Variants in STK32B observed in about 807,000 individuals in gnomAD.
STK32B encodes the protein serine/threonine kinase 32B.
In STK32B, 43 loss-of-function variants were observed where a neutral mutation model predicts 52.6. The ratio of observed to expected loss-of-function variants is 0.82; its 90% CI spans 0.64 to 1.05. STK32B has a LOEUF of 1.05. Among genes scored for constraint, STK32B ranks in the 50% least tolerant of loss-of-function variants. The pLI, the probability that STK32B is intolerant of heterozygous loss-of-function variation, is 0.00. For synonymous variants in STK32B, 238 were observed against 204.3 expected (o/e 1.17, Z -1.41); for missense variants, 621 against 534.6 (o/e 1.16, Z -1.59).
chr4:5,191,285 C>A (rs139798294), intron 3 of STK32B, among the ~76,000 whole-genome samples: 4 of 150,510 alleles, frequency 2.7e-5, no homozygotes, highest in Admixed American at 6.6e-5. Flanking sequence ...GAGTCTCGCT[C>A]TGTCACCCAG....
rs752203338 is a variant in STK32B at position 5,395,729 on chromosome 4, A to G, written c.435-2478A>G. Among the ~76,000 whole-genome samples, 4 of 152,256 alleles carry G rather than the reference A, an allele frequency of 2.6e-5. No homozygotes were observed. The highest frequency in any genetic ancestry group is 3.2e-3 in the Middle Eastern group (1 of 316). ...ACAGAAGCAATGTGTGTTATGTATC[A>G]GGTATTTAATCCACACAGCAAAGGA... is the stretch of plus-strand genomic sequence containing the variant. On this transcript the variant is annotated intron_variant, in intron 4 of 11. Transcript: ENST00000282908. The surrounding 1 kb of genome is among the most constrained non-coding windows in gnomAD (Gnocchi z 4.4).
intron 3 of STK32B, among the ~76,000 whole-genome samples, chr4:5,261,442 A>G (rs1287920207): frequency 1.3e-5 from 2 of 152,118 alleles, no homozygotes; most frequent in Non-Finnish European, 2.9e-5. Context: ...GGCAATGGGG[A>G]TATAGAGGAT....
chr4:5,208,248 G>A (rs992988843), intron 3 of STK32B, among the ~76,000 whole-genome samples: 6 of 152,152 alleles, frequency 3.9e-5, no homozygotes, highest in African/African-American at 1.4e-4. Context: ...CCATCAGTTA[G>A]TTACATGGCT....
intron 1 of STK32B, among the ~76,000 whole-genome samples, chr4:5,073,220 G>A (rs1711881671): frequency 6.6e-6 from 1 of 151,786 alleles, no homozygotes; most frequent in African/African-American, 2.4e-5. Context: ...TGTTTTCTGT[G>A]TTCTTTGCTC....
intron 3 of STK32B, among the ~76,000 whole-genome samples, chr4:5,224,653 C>G (rs1229276376): frequency 6.6e-6 from 1 of 152,068 alleles, no homozygotes; most frequent in Admixed American, 6.5e-5. Flanking sequence ...GAATCTCAGG[C>G]CTACTACTGG....
At chr4:5,412,564 G>T (rs996576499) in intron 5 of STK32B, among the ~76,000 whole-genome samples, 1 of 152,188 alleles carries the variant, frequency 6.6e-6, no homozygotes, top group East Asian at 1.9e-4. Flanking sequence ...TGTAGGAGGA[G>T]AGTGGGACGG....
intron 3 of STK32B, among the ~76,000 whole-genome samples, chr4:5,309,185 G>T (rs1213148928): frequency 6.6e-6 from 1 of 151,996 alleles, no homozygotes; most frequent in African/African-American, 2.4e-5. Flanking sequence ...ATTTAACCAA[G>T]GAGGTGAAAG....
At chr4:5,227,272 C>A (rs1723939687) in intron 3 of STK32B, among the ~76,000 whole-genome samples, 1 of 152,206 alleles carries the variant, frequency 6.6e-6, no homozygotes, top group Admixed American at 6.5e-5. Flanking sequence ...TTCATTCTCT[C>A]TCACGTTAAA....
chr4:5,302,355 T>C (rs887722788), intron 3 of STK32B, among the ~76,000 whole-genome samples: 1 of 152,060 alleles, frequency 6.6e-6, no homozygotes, highest in African/African-American at 2.4e-5. Flanking sequence ...CATATTATTA[T>C]TATTAGTTCT....
intron 3 of STK32B, among the ~76,000 whole-genome samples, chr4:5,259,084 C>T (rs901204977): frequency 2.0e-5 from 3 of 152,194 alleles, no homozygotes; most frequent in Non-Finnish European, 2.9e-5. Flanking sequence ...CCAGTCTTTA[C>T]TCAACAACAT....
chr4:5,262,932 G>A (rs1023480371), intron 3 of STK32B, among the ~76,000 whole-genome samples: 2 of 152,080 alleles, frequency 1.3e-5, no homozygotes, highest in African/African-American at 4.8e-5. Context: ...ATTGAGTTGG[G>A]TAACACCCAC....
intron 4 of STK32B, among the ~76,000 whole-genome samples, chr4:5,397,477 G>A (rs1373676905): frequency 6.6e-6 from 1 of 152,176 alleles, no homozygotes; most frequent in Non-Finnish European, 1.5e-5. Flanking sequence ...CTATAATGGT[G>A]ATGTAGAGAA....
intron 1 of STK32B, among the ~76,000 whole-genome samples, chr4:5,125,422 G>T (rs1290766156): frequency 6.6e-6 from 1 of 152,184 alleles, no homozygotes; most frequent in Non-Finnish European, 1.5e-5. Context: ...GGTCCCTCCA[G>T]CCCCCCTCCC....
At chr4:5,130,585 GGT>G (rs1353711346) in intron 1 of STK32B, among the ~76,000 whole-genome samples, 1 of 152,088 alleles carries the variant, frequency 6.6e-6, no homozygotes, top group Non-Finnish European at 1.5e-5. Context: ...GAACTGCAGT[GGT>G]CTAATCTGTT....
chr4:5,268,147 A>C (rs1727171549), intron 3 of STK32B, among the ~76,000 whole-genome samples: 1 of 152,152 alleles, frequency 6.6e-6, no homozygotes, highest in Non-Finnish European at 1.5e-5. Flanking sequence ...TTTTAGAGAG[A>C]GGAATGTAAA....
In STK32B at chr4:5,470,212, G is replaced by T. The variant is rs534668801; in HGVS notation, c.1106+2142G>T. On this transcript the variant is annotated intron_variant, in intron 11 of 11. Transcript: ENST00000282908. The surrounding 1 kb of genome is among the most constrained non-coding windows in gnomAD (Gnocchi z 4.6). ...ACCTCACTATATAGGAGCTTCAGCC[G>T]AGTAGATGTTTTCTTCCTCACGTGT... Among the ~76,000 whole-genome samples, 2 of 152,186 alleles carry T rather than the reference G, an allele frequency of 1.3e-5. No homozygotes were observed. Among genetic ancestry groups the T allele is most frequent in the South Asian group, 2.1e-4 (1 of 4,830 alleles).
intron 3 of STK32B, among the ~76,000 whole-genome samples, chr4:5,301,135 G>A (rs1235646111): frequency 6.6e-6 from 1 of 151,978 alleles, no homozygotes; most frequent in Non-Finnish European, 1.5e-5. Flanking sequence ...AATCCTACTT[G>A]CTCATGATGT....
At chr4:5,078,184 A>T (rs951625516) in intron 1 of STK32B, among the ~76,000 whole-genome samples, 1 of 152,184 alleles carries the variant, frequency 6.6e-6, no homozygotes, top group East Asian at 1.9e-4. Context: ...AGCTATGTGC[A>T]GACTTCCCCT....
At chr4:5,055,711 A>G (rs551908191) in intron 1 of STK32B, among the ~76,000 whole-genome samples, 2 of 151,594 alleles carry the variant, frequency 1.3e-5, no homozygotes, top group South Asian at 4.2e-4. Flanking sequence ...CTGCACCCTC[A>G]CACCATAGCC....
Sources: gnomAD v4.1 joint callset for allele counts (sites outside exome capture counted in the v4.1 genomes callset) on GRCh38, gnomAD v4.1.1 for gene constraint, Gnocchi (gnomAD v3.1) non-coding constraint, MANE v1.5 for transcripts, NCBI Gene and HGNC (gene_info 2026-07-23, HGNC 2026-07-21) for gene names.